DENND4C: variants seen among roughly 807,000 people sequenced by gnomAD.
The protein encoded by DENND4C is DENN domain containing 4C.
A neutral mutation model predicts 203.0 loss-of-function variants in DENND4C; 108 were observed. The observed-to-expected ratio is 0.53, with a 90% CI of 0.46 to 0.62. DENND4C has a LOEUF of 0.62. DENND4C is among the 20% of genes least tolerant of loss of function. DENND4C has a pLI of 0.00. For missense variants in DENND4C, 2,481 were observed against 2,301.2 expected (o/e 1.08, Z -1.60); for synonymous variants, 871 against 792.4 (o/e 1.10, Z -1.67).
At position 19,290,890 on chromosome 9, in the gene DENND4C, T is replaced by C. The variant is rs774729253; in HGVS notation, c.801+14T>C. On this transcript the variant is annotated intron_variant, in intron 5 of 32. Coordinates refer to ENST00000434457, the MANE Select transcript of DENND4C (RefSeq NM_001330640.2). The stretch of plus-strand genomic sequence containing the variant: ...TCAGCCAAAAAGGTATGTTTTTGTC[T>C]CATTGATTAAACACATTTTGTCCAT... 4 of 1,606,202 alleles carry C rather than the reference T, an allele frequency of 2.5e-6. No homozygotes were observed. Among genetic ancestry groups the C allele is most frequent in the Non-Finnish European group, 3.4e-6 (4 of 1,176,132 alleles).
intron 23 of DENND4C, 80 bp downstream of exon 23, chr9:19,347,166 C>T: frequency 2.2e-6 from 3 of 1,368,078 alleles, no homozygotes; most frequent in Non-Finnish European, 3.0e-6. Flanking sequence ...TATTCTTGTT[C>T]AGAGATTTCT....
intron 30 of DENND4C, among the ~76,000 whole-genome samples, chr9:19,368,523 T>C (rs1828152073): frequency 6.6e-6 from 1 of 152,098 alleles, no homozygotes; most frequent in African/African-American, 2.4e-5. Flanking sequence ...TCATATGAAG[T>C]TATTAGGCTA....
Position 19,352,665 on chromosome 9 carries a change from G to A in DENND4C, c.4781G>A (p.Ser1594Asn). The A allele has an allele frequency of 6.3e-7, 1 of 1,582,262 alleles. No individual in the cohort carries two copies. The highest frequency in any genetic ancestry group is 8.6e-7 in the Non-Finnish European group (1 of 1,162,330). Residue 1594 changes from serine to asparagine, a missense_variant and splice_region_variant, in exon 26 of 33, where the codon AGC (serine) becomes AAC (asparagine). Ser to Asn is a conservative substitution (Grantham distance 46, BLOSUM62 1). Around this residue, in one of 3 missense-constraint regions of DENND4C, gnomAD observed 2,289 missense variants for 2,113.3 expected, o/e 1.08. Transcript: ENST00000434457. ...IEFKDLRGSA[S>N]FFLKPSTSGD... ...TTCAAAGATTTGAGAGGTTCTGCAA[G>A]GTTAGTCTTATAAAAGCTCTCTCAA...
chr9:19,352,622 C>G lies in DENND4C; in HGVS notation c.4738C>G (p.Pro1580Ala). Reference sequence around the variant, plus strand: ...TCCATTCTGTAAAAGCAACTTCTTGCCTCTTCTCAATATAGAATTCAAAGA... The same window carrying G: ...TCCATTCTGTAAAAGCAACTTCTTGGCTCTTCTCAATATAGAATTCAAAGA... The part of the protein sequence containing the change: ...ACPFCKSNFL[P>A]LLNIEFKDLR... The change falls in exon 26 of 33, where the codon CCT becomes GCT. Residue 1580 changes from proline to alanine, a missense_variant. By Grantham distance (27) the Pro-to-Ala change is conservative. This residue lies in a region of DENND4C where 2,289 missense variants were observed against 2,113.3 expected (regional missense o/e 1.08). Transcript: ENST00000434457. 1 of 1,612,860 alleles carries G rather than the reference C, an allele frequency of 6.2e-7. No homozygotes were observed. Among genetic ancestry groups the G allele is most frequent in the Non-Finnish European group, 8.5e-7 (1 of 1,179,314 alleles).
At chr9:19,319,228 CATTT>C (rs1253237387) in intron 12 of DENND4C, among the ~76,000 whole-genome samples, 1 of 144,096 alleles carries the variant, frequency 6.9e-6, no homozygotes, top group African/African-American at 2.5e-5. Context: ...TATATATACA[CATTT>C]ATATATGTAT....
At position 19,371,839 on chromosome 9, in the gene DENND4C, G is replaced by T. The variant is rs773800149; in HGVS notation, c.5740+19G>T. Reference sequence around the variant, plus strand: ...GATATTGGTAAGTTGGTTAATAAAAGATTATGAAAGGAAGTTTTACATTTT... The same window carrying T: ...GATATTGGTAAGTTGGTTAATAAAATATTATGAAAGGAAGTTTTACATTTT... On this transcript the variant is annotated intron_variant, in intron 32 of 32. Coordinates refer to ENST00000434457, the MANE Select transcript of DENND4C (RefSeq NM_001330640.2). 5 of 1,396,450 alleles carry T rather than the reference G, an allele frequency of 3.6e-6. No individual in the cohort carries two copies. Among genetic ancestry groups the T allele is most frequent in the Admixed American group, 2.1e-5 (1 of 48,240 alleles). The allele number at this position is 1,396,450 out of a possible 1,614,324, so 86.5% of individuals were successfully genotyped here. A position where few individuals can be genotyped will look rare whatever the true frequency, so the allele number is the denominator to read the frequency against.
At chr9:19,245,729 G>A (rs1050632924) in intron 1 of DENND4C, among the ~76,000 whole-genome samples, 1 of 151,914 alleles carries the variant, frequency 6.6e-6, no homozygotes, top group Non-Finnish European at 1.5e-5. Context: ...GGTGGCATGT[G>A]CTTGTAATCC....
intron 9 of DENND4C, among the ~76,000 whole-genome samples, chr9:19,304,603 C>G (rs1839278274): frequency 6.6e-6 from 1 of 151,398 alleles, no homozygotes; most frequent in African/African-American, 2.4e-5. Flanking sequence ...GTGGCACAGT[C>G]TCTGCTCACT....
intron 10 of DENND4C, among the ~76,000 whole-genome samples, chr9:19,308,432 T>C (rs1170716447): frequency 6.6e-6 from 1 of 152,222 alleles, no homozygotes; most frequent in Non-Finnish European, 1.5e-5. Context: ...AAATGGAGGA[T>C]TTTCATATCT....
intron 28 of DENND4C, among the ~76,000 whole-genome samples, chr9:19,359,558 A>G (rs1356982651): frequency 1.3e-5 from 2 of 151,762 alleles, no homozygotes; most frequent in Non-Finnish European, 2.9e-5. Context: ...TTTTATGCTT[A>G]TGTTATATAC....
chr9:19,349,508 G>T (rs563212660), intron 23 of DENND4C, among the ~76,000 whole-genome samples: 1 of 152,276 alleles, frequency 6.6e-6, no homozygotes, highest in South Asian at 2.1e-4. Context: ...TGTGGATCTT[G>T]TCTTGTCTTT....
chr9:19,239,787 A>G (rs976492319), intron 1 of DENND4C, among the ~76,000 whole-genome samples: 3 of 152,090 alleles, frequency 2.0e-5, no homozygotes, highest in African/African-American at 7.2e-5. Flanking sequence ...TGCCCAGCCA[A>G]TTTATATTCT....
chr9:19,263,593 A>G (rs540256650), intron 1 of DENND4C, among the ~76,000 whole-genome samples: 1 of 149,208 alleles, frequency 6.7e-6, no homozygotes, highest in South Asian at 2.1e-4. Context: ...TAGGTTTGCT[A>G]TTGTTTTGTT....
chr9:19,300,925 A>G (rs981291989), intron 9 of DENND4C, among the ~76,000 whole-genome samples: 3 of 152,218 alleles, frequency 2.0e-5, no homozygotes, highest in African/African-American at 7.2e-5. Context: ...TACACCTGTA[A>G]TCCCAGCAAT....
intron 1 of DENND4C, among the ~76,000 whole-genome samples, chr9:19,239,747 A>G (rs1823213712): frequency 2.0e-5 from 3 of 152,106 alleles, no homozygotes; most frequent in African/African-American, 7.2e-5. Flanking sequence ...TGGCCTCCCA[A>G]AGTACTGTGA....
At chr9:19,310,330 G>A (rs960647025) in intron 10 of DENND4C, among the ~76,000 whole-genome samples, 2 of 152,182 alleles carry the variant, frequency 1.3e-5, no homozygotes, top group African/African-American at 2.4e-5. Context: ...TTTCAAAGGG[G>A]ATACTTTGAG....
At chr9:19,313,104 A>G (rs149421978) in intron 10 of DENND4C, among the ~76,000 whole-genome samples, 1,983 of 151,906 alleles carry the variant, frequency 0.013, 70 homozygotes, top group Admixed American at 0.076. Flanking sequence ...TTTCCCATCT[A>G]CTTACCTAAA....
intron 10 of DENND4C, among the ~76,000 whole-genome samples, chr9:19,314,480 A>G (rs1841386079): frequency 6.6e-6 from 1 of 152,094 alleles, no homozygotes; most frequent in Non-Finnish European, 1.5e-5. Flanking sequence ...TACTTGGGTG[A>G]TGGGTGCACC....
upstream of DENND4C, chr9:19,230,620 C>T (rs967657929): frequency 4.6e-5 from 7 of 152,144 alleles, no homozygotes; most frequent in South Asian, 2.1e-4. Context: ...CCGCGCGGGC[C>T]AGCGCTCCGG....
Sources: allele counts gnomAD v4.1 joint callset (sites outside exome capture counted in the v4.1 genomes callset), GRCh38; gene constraint gnomAD v4.1.1; regional missense constraint gnomAD v4.1.1; transcripts MANE v1.5; gene names NCBI Gene and HGNC (gene_info 2026-07-23, HGNC 2026-07-21).